Variants in ZMAT3 observed in about 807,000 individuals in gnomAD.
ZMAT3 encodes zinc finger matrin-type 3.
A neutral mutation model predicts 32.3 loss-of-function variants in ZMAT3; 17 were observed. The observed-to-expected ratio is 0.53, with a 90% CI of 0.36 to 0.79. The LOEUF is 0.79. ZMAT3 is among the 30% of genes least tolerant of loss of function. The pLI is 0.00. For missense variants in ZMAT3, 329 were observed against 359.7 expected, an observed-to-expected ratio of 0.91 and a Z score of 0.69; for synonymous variants, 120 against 133.1, an observed-to-expected ratio of 0.90 and a Z score of 0.68.
At chr3:179,070,848 T>G (rs940276968) in intron 1 of ZMAT3, among the ~76,000 whole-genome samples, 1 of 152,210 alleles carries the variant, frequency 6.6e-6, no homozygotes, top group African/African-American at 2.4e-5. Context: ...ATAGCATACT[T>G]AGTTTTAATG....
At chr3:179,034,374 C>G (rs1719468017) in intron 2 of ZMAT3, among the ~76,000 whole-genome samples, 4 of 152,222 alleles carry the variant, frequency 2.6e-5, no homozygotes, top group Admixed American at 2.0e-4. Context: ...CTCAAAGTAG[C>G]ATGACACAGT....
At position 179,019,124 on chromosome 3, in the gene ZMAT3, TG is replaced by T. The variant is rs1209434611; in HGVS notation, c.*5892del. The T allele has an allele frequency of 3.9e-5, 6 of 151,928 alleles. No individual in the cohort carries two copies. The highest frequency in any genetic ancestry group is 1.5e-4 in the African/African-American group (6 of 41,366). The allele number at this position is 151,928 out of a possible 1,614,324, so 9.4% of individuals were successfully genotyped here. Reference sequence around the variant, plus strand: ...TTTGGCAAAAATACATTATCAGAAGTGGGGAAAAGAAAAATTATATTGAAAC... The same window carrying T: ...TTTGGCAAAAATACATTATCAGAAGTGGGAAAAGAAAAATTATATTGAAAC... On this transcript the variant is annotated 3_prime_UTR_variant, in exon 6 of 6. Transcript: ENST00000311417.
intron 2 of ZMAT3, among the ~76,000 whole-genome samples, chr3:179,051,296 G>T (rs1316187728): frequency 6.6e-6 from 1 of 152,076 alleles, no homozygotes; most frequent in Admixed American, 6.5e-5. Context: ...AAAGTTTTAG[G>T]ATACAAAATT....
At chr3:179,032,706 A>T (rs1371162275) in intron 2 of ZMAT3, among the ~76,000 whole-genome samples, 1 of 148,914 alleles carries the variant, frequency 6.7e-6, no homozygotes, top group Non-Finnish European at 1.5e-5. Context: ...CCCATCTGGG[A>T]GGTGAGGAGC....
At position 179,025,080 on chromosome 3, in the gene ZMAT3, T is replaced by C. The variant is rs1718793679; in HGVS notation, c.807A>G (p.Gln269=). ...GCTGTTCAGACACCTTGCTCTTATG[T>C]TGCTTGCTCTCTAAATGCTGCCGGA... is the stretch of plus-strand genomic sequence containing the variant. ...MEFRQHLESK[Q]HKSKVSEQRY... Residue 269 remains glutamine, a synonymous_variant, in exon 6 of 6, where the codon CAA becomes CAG. Transcript: ENST00000311417. 3 of 1,614,226 alleles carry C rather than the reference T, an allele frequency of 1.9e-6. No individual in the cohort carries two copies. The highest frequency in any genetic ancestry group is 1.3e-5 in the African/African-American group (1 of 75,048).
chr3:179,045,181 C>T (rs1720163445), intron 2 of ZMAT3, among the ~76,000 whole-genome samples: 1 of 151,828 alleles, frequency 6.6e-6, no homozygotes. Context: ...TTGAGAATGC[C>T]CATGAAATAA....
intron 5 of ZMAT3, 122 bp from the exon 6 acceptor site, chr3:179,025,350 T>TA (rs1374666640): frequency 1.2e-6 from 1 of 819,138 alleles, no homozygotes; most frequent in African/African-American, 1.7e-5. Flanking sequence ...TTCTTAGCTT[T>TA]AAGTGAATGT....
intron 2 of ZMAT3, among the ~76,000 whole-genome samples, chr3:179,048,918 T>C (rs1720392001): frequency 1.3e-5 from 2 of 152,198 alleles, no homozygotes; most frequent in Admixed American, 1.3e-4. Context: ...GTATCTGCTA[T>C]CTTCAAGAGA....
chr3:179,031,119 T>A, intron 2 of ZMAT3, 120 bp from the exon 3 acceptor site: 1 of 773,238 alleles, frequency 1.3e-6, no homozygotes, highest in Non-Finnish European at 1.9e-6. Context: ...AGAGACCACA[T>A]TCACATAATT....
At position 179,020,107 on chromosome 3, in the gene ZMAT3, A is replaced by G. The variant is rs1013864557; in HGVS notation, c.*4910T>C. ...AAAAGACGTAGAACAGAATTCACACAGACCTTTGTTATTCCAAGCTCCTAT... is the reference window on the plus strand; with the variant it reads ...AAAAGACGTAGAACAGAATTCACACGGACCTTTGTTATTCCAAGCTCCTAT... On this transcript the variant is annotated 3_prime_UTR_variant, in exon 6 of 6. Coordinates refer to ENST00000311417, the MANE Select transcript of ZMAT3 (RefSeq NM_022470.4). 9 of 152,218 alleles carry G rather than the reference A, an allele frequency of 5.9e-5. No homozygotes were observed. In the South Asian group the frequency reaches 1.9e-3, roughly 32 times the overall value. 9.4% of individuals were successfully genotyped at this position (152,218 alleles called of 1,614,324 possible).
In ZMAT3 at chr3:179,056,615, C is replaced by A. The variant is rs186270349; in HGVS notation, c.270+10868G>T. Among the ~76,000 whole-genome samples, 3 of 152,166 alleles carry A rather than the reference C, an allele frequency of 2.0e-5. No homozygotes were observed. The South Asian group carries it at 6.2e-4, about 32-fold the overall frequency. ...GCAGCAGGACTGAGGGTGCCCGGGG[C>A]GAGCGCCAGCCCATGCCATCACCCT... On this transcript the variant is annotated intron_variant, in intron 2 of 5. Coordinates refer to ENST00000311417, the MANE Select transcript of ZMAT3 (RefSeq NM_022470.4).
At chr3:179,039,553 C>T (rs920699060) in intron 2 of ZMAT3, among the ~76,000 whole-genome samples, 1 of 152,166 alleles carries the variant, frequency 6.6e-6, no homozygotes, top group African/African-American at 2.4e-5. Flanking sequence ...AAAAGAACGT[C>T]TACACCAAAA....
rs1223492311 is a variant in ZMAT3 at position 179,022,730 on chromosome 3, A to G, written c.*2287T>C. 6.6e-6 allele frequency: 1 copy of G among 152,080 alleles called. No individual in the cohort carries two copies. Among genetic ancestry groups the G allele is most frequent in the Non-Finnish European group, 1.5e-5 (1 of 67,998 alleles). The allele number at this position is 152,080 out of a possible 1,614,324, so 9.4% of individuals were successfully genotyped here. On this transcript the variant is annotated 3_prime_UTR_variant, in exon 6 of 6. Transcript: ENST00000311417. Reference sequence around the variant, plus strand: ...AGTATTTGATTCTTCTGTTTCTGGGAGAAGAAAAGTTACAAAATAATTCTA... The same window carrying G: ...AGTATTTGATTCTTCTGTTTCTGGGGGAAGAAAAGTTACAAAATAATTCTA...
At chr3:179,059,969 A>AT (rs1721066982) in intron 2 of ZMAT3, among the ~76,000 whole-genome samples, 1 of 152,180 alleles carries the variant, frequency 6.6e-6, no homozygotes, top group South Asian at 2.1e-4. Context: ...TAAAATGCTA[A>AT]TTAGGCAAAA....
chr3:179,038,655 C>A (rs372002259), intron 2 of ZMAT3, among the ~76,000 whole-genome samples: 34 of 152,278 alleles, frequency 2.2e-4, no homozygotes, highest in African/African-American at 7.5e-4. Context: ...ATGCAGCAGA[C>A]GGGTGATATC....
intron 2 of ZMAT3, among the ~76,000 whole-genome samples, chr3:179,032,542 C>T (rs989602154): frequency 6.6e-6 from 1 of 151,984 alleles, no homozygotes; most frequent in Admixed American, 6.6e-5. Flanking sequence ...GCCATCATCC[C>T]GTCTGGGAAG....
intron 2 of ZMAT3, among the ~76,000 whole-genome samples, chr3:179,064,739 GC>G (rs1468699795): frequency 6.6e-6 from 1 of 152,128 alleles, no homozygotes; most frequent in African/African-American, 2.4e-5. Flanking sequence ...CCTGGTCTTA[GC>G]CTTGTCTTCA....
chr3:179,055,508 A>AC (rs1275820283), intron 2 of ZMAT3, among the ~76,000 whole-genome samples: 4 of 137,862 alleles, frequency 2.9e-5, no homozygotes, highest in Non-Finnish European at 3.1e-5. Context: ...ACTAATAAGG[A>AC]CCCCCCTTTA....
chr3:179,039,244 C>G (rs967914105), intron 2 of ZMAT3, among the ~76,000 whole-genome samples: 2 of 152,232 alleles, frequency 1.3e-5, no homozygotes, highest in African/African-American at 4.8e-5. Flanking sequence ...TGAGAATGGA[C>G]AGACTGCCTC....
Sources: gnomAD v4.1 joint callset for allele counts (sites outside exome capture counted in the v4.1 genomes callset) on GRCh38, gnomAD v4.1.1 for gene constraint, MANE v1.5 for transcripts, NCBI Gene and HGNC (gene_info 2026-07-23, HGNC 2026-07-21) for gene names.